Variants in WDR7 observed in about 807,000 individuals in gnomAD.
WDR7 encodes the protein WD repeat-containing protein 7.
A neutral mutation model predicts 169.4 loss-of-function variants in WDR7; 46 were observed. The observed-to-expected ratio is 0.27, with a 90% confidence interval of 0.21 to 0.35. The LOEUF (loss-of-function observed/expected upper bound fraction) is 0.35. Among genes scored for constraint, WDR7 ranks in the 10% least tolerant of loss-of-function variants. The probability of loss-of-function intolerance (pLI) is 1.00; values close to 1 mark genes in which losing one functional copy is unlikely to be tolerated. For synonymous variants in WDR7, 612 were observed against 666.8 expected (o/e 0.92, Z 1.27); for missense variants, 1,534 against 1,859.3 (o/e 0.83, Z 3.22).
chr18:56,962,785 A>T (rs979906039), intron 26 of WDR7, among the ~76,000 whole-genome samples: 1 of 152,136 alleles, frequency 6.6e-6, no homozygotes. Flanking sequence ...ATTTTGCAAT[A>T]CATATTTTCT....
intron 14 of WDR7, among the ~76,000 whole-genome samples, chr18:56,753,481 T>C (rs952100471): frequency 2.6e-5 from 4 of 152,184 alleles, no homozygotes; most frequent in Non-Finnish European, 5.9e-5. Flanking sequence ...CAACAAATTA[T>C]ATAAATGTGG....
At chr18:56,953,303 T>A (rs2047208172) in intron 25 of WDR7, among the ~76,000 whole-genome samples, 1 of 152,252 alleles carries the variant, frequency 6.6e-6, no homozygotes, top group South Asian at 2.1e-4. Flanking sequence ...TGTTGATATT[T>A]ATAACACTAT....
chr18:56,820,905 A>G (rs552059678), intron 20 of WDR7, among the ~76,000 whole-genome samples: 9 of 152,344 alleles, frequency 5.9e-5, no homozygotes, highest in Admixed American at 3.9e-4. Flanking sequence ...ATTGATACCT[A>G]GTGTCCCAAA....
chr18:56,804,365 C>A (rs1192715269), intron 19 of WDR7, among the ~76,000 whole-genome samples: 1 of 152,060 alleles, frequency 6.6e-6, no homozygotes, highest in African/African-American at 2.4e-5. Context: ...TTCAAAAGAT[C>A]AAAATCCTGA....
intron 26 of WDR7, among the ~76,000 whole-genome samples, chr18:56,993,284 C>T (rs963069080): frequency 7.2e-5 from 11 of 152,102 alleles, no homozygotes; most frequent in East Asian, 1.9e-4. Flanking sequence ...TAATTTTTCT[C>T]GAGTTTCTAC....
Position 56,812,406 on chromosome 18 carries a change from G to A in WDR7, c.3191-3625G>A, listed in dbSNP as rs573084020. Among the ~76,000 whole-genome samples, 11 of 152,236 alleles carry A rather than the reference G, an allele frequency of 7.2e-5. No individual in the cohort carries two copies. The South Asian group carries it at 2.3e-3, about 32-fold the overall frequency. On this transcript the variant is annotated intron_variant, in intron 19 of 27. Transcript: ENST00000254442. ...GTAAACAATCATTTTATCTTTGAGT[G>A]GGGTGTATTAGAGTTCTCCAGAGAA...
chr18:56,863,540 A>G (rs1194038833), intron 20 of WDR7, among the ~76,000 whole-genome samples: 10 of 151,686 alleles, frequency 6.6e-5, no homozygotes, highest in Admixed American at 6.6e-4. Context: ...ATTATAGATT[A>G]TATATTTTTG....
At position 56,873,149 on chromosome 18, in the gene WDR7, G is replaced by A. The variant is rs183481668; in HGVS notation, c.3305-6795G>A. Among the ~76,000 whole-genome samples, 365 of 152,192 alleles carry A rather than the reference G, an allele frequency of 2.4e-3. 1 individual carries two copies. Among genetic ancestry groups the A allele is most frequent in the African/African-American group, 8.3e-3 (344 of 41,536 alleles). ...TTTTACCTCTTTCCTTGTTAATGAA[G>A]GGCTATCATCTTTTTAGATTTGAAT... is the stretch of plus-strand genomic sequence containing the variant. On this transcript the variant is annotated intron_variant, in intron 20 of 27. Coordinates refer to ENST00000254442, the MANE Select transcript of WDR7 (RefSeq NM_015285.3).
At chr18:56,892,904 A>G (rs2046283361) in intron 21 of WDR7, among the ~76,000 whole-genome samples, 1 of 152,108 alleles carries the variant, frequency 6.6e-6, no homozygotes, top group Non-Finnish European at 1.5e-5. Flanking sequence ...TAATGCAAGT[A>G]GAGATCACAG....
At chr18:56,947,220 C>T (rs1030315636) in intron 25 of WDR7, among the ~76,000 whole-genome samples, 1 of 152,172 alleles carries the variant, frequency 6.6e-6, no homozygotes, top group South Asian at 2.1e-4. Context: ...AAGACTGCTG[C>T]AGCACTGAAT....
downstream of WDR7, chr18:57,032,922 C>A (rs144629478): frequency 6.7e-6 from 1 of 148,650 alleles, no homozygotes; most frequent in Admixed American, 6.7e-5. Flanking sequence ...CAACCACCAG[C>A]CTTTTTTGCA....
Position 56,962,420 on chromosome 18 carries a change from T to C in WDR7, c.4065-10T>C. ...TGTTTTTGTTTTTGTTGTTAAAATG[T>C]TCAACTCAGGTTCTACATGGTCAGC... On this transcript the variant is annotated splice_polypyrimidine_tract_variant and intron_variant, in intron 25 of 27. Coordinates refer to ENST00000254442, the MANE Select transcript of WDR7 (RefSeq NM_015285.3). The C allele has an allele frequency of 6.2e-7, 1 of 1,612,376 alleles. No individual in the cohort carries two copies. The highest frequency in any genetic ancestry group is 8.5e-7 in the Non-Finnish European group (1 of 1,178,856).
chr18:56,890,486 A>G (rs1024786701), intron 21 of WDR7, among the ~76,000 whole-genome samples: 3 of 152,212 alleles, frequency 2.0e-5, no homozygotes, highest in African/African-American at 4.8e-5. Context: ...GCTTACGACA[A>G]TGCCACAGAA....
intron 26 of WDR7, among the ~76,000 whole-genome samples, chr18:57,018,399 G>C (rs2048238140): frequency 6.6e-6 from 1 of 152,222 alleles, no homozygotes; most frequent in African/African-American, 2.4e-5. Flanking sequence ...AATGCCAGGA[G>C]GGACCAGGTG....
At chr18:56,831,470 G>A (rs1215341186) in intron 20 of WDR7, among the ~76,000 whole-genome samples, 1 of 152,162 alleles carries the variant, frequency 6.6e-6, no homozygotes. Context: ...CTAGGTTCCA[G>A]CTGGCAGGGG....
chr18:56,728,689 G>A (rs1007410320), intron 13 of WDR7, among the ~76,000 whole-genome samples: 1 of 152,068 alleles, frequency 6.6e-6, no homozygotes, highest in African/African-American at 2.4e-5. Flanking sequence ...TCAACCTTCT[G>A]TGCCAGGTTG....
chr18:56,682,768 C>T lies in WDR7; in HGVS notation c.435C>T (p.Ser145=). Residue 145 remains serine, a synonymous_variant, in exon 5 of 28, where the codon AGC becomes AGT. Coordinates refer to ENST00000254442, the MANE Select transcript of WDR7 (RefSeq NM_015285.3). ...YPEILVVDAT[S]LEVLYSLVSK... ...AAATCCTTGTTGTGGATGCTACCAG[C>T]CTTGAAGTATTATACTCCTTAGTAT... 6.2e-7 allele frequency: 1 copy of T among 1,613,796 alleles called. No homozygotes were observed. The highest frequency in any genetic ancestry group is 2.2e-5 in the East Asian group (1 of 44,854).
intron 12 of WDR7, among the ~76,000 whole-genome samples, chr18:56,706,964 G>A (rs1345145960): frequency 7.2e-6 from 1 of 138,848 alleles, no homozygotes; most frequent in Non-Finnish European, 1.5e-5. Context: ...ACAGACATGA[G>A]CCACTGTGCC....
At chr18:56,725,288 A>G (rs529464000) in intron 13 of WDR7, among the ~76,000 whole-genome samples, 1 of 150,812 alleles carries the variant, frequency 6.6e-6, no homozygotes, top group East Asian at 1.9e-4. Context: ...AAGTGTTCCT[A>G]TTTCTCTACA....
Sources: allele counts gnomAD v4.1 joint callset (sites outside exome capture counted in the v4.1 genomes callset), GRCh38; gene constraint gnomAD v4.1.1; transcripts MANE v1.5; gene names NCBI Gene and HGNC (gene_info 2026-07-23, HGNC 2026-07-21).